PHF6: variants seen among roughly 807,000 people sequenced by gnomAD.
PHF6 encodes PHD finger protein 6.
A neutral mutation model predicts 34.0 loss-of-function variants in PHF6; 7 were observed. The observed-to-expected ratio is 0.21, with a 90% CI of 0.12 to 0.39. PHF6 has a LOEUF of 0.39. Among genes scored for constraint, PHF6 ranks in the 10% least tolerant of loss-of-function variants. The probability of loss-of-function intolerance (pLI) is 1.00; values close to 1 mark genes in which losing one functional copy is unlikely to be tolerated. For missense variants in PHF6, 128 were observed against 262.8 expected (o/e 0.49, Z 3.55); for synonymous variants, 89 against 88.4 (o/e 1.01, Z -0.04).
chrX:134,386,952 C>T (rs1233774298), intron 3 of PHF6, among the ~76,000 whole-genome samples: 1 of 111,348 alleles, frequency 9.0e-6, no homozygotes, highest in African/African-American at 3.3e-5. Context: ...GGATTAGGCC[C>T]ACAGGATGCC....
intron 3 of PHF6, among the ~76,000 whole-genome samples, chrX:134,392,741 G>T (rs1053679935): frequency 9.0e-6 from 1 of 110,888 alleles, no homozygotes; most frequent in African/African-American, 3.3e-5. Flanking sequence ...GATTTTACTA[G>T]GTTCTCAAAT....
Position 134,427,320 on chromosome X carries a change from A to G in PHF6, c.*1660A>G, listed in dbSNP as rs930909640. 2.5e-5 allele frequency: 4 copies of G among 162,459 alleles called. No individual in the cohort carries two copies. The Admixed American group carries it at 2.5e-4, about 10-fold the overall frequency. 13.4% of individuals were successfully genotyped at this position (162,459 alleles called of 1,213,427 possible). A position where few individuals can be genotyped will look rare whatever the true frequency, so the allele number is the denominator to read the frequency against. On this transcript the variant is annotated 3_prime_UTR_variant, in exon 11 of 11. Coordinates refer to ENST00000370803, the MANE Select transcript of PHF6 (RefSeq NM_001015877.2). ...GACAGATCTAGATGTTTGTTTACCA[A>G]GCTATGTGACTTCTCCCAAAGGATC... is the stretch of plus-strand genomic sequence containing the variant.
At chrX:134,377,792 T>C (rs1325220962) in intron 2 of PHF6, 37 bp downstream of exon 2, 4 of 1,180,913 alleles carry the variant, frequency 3.4e-6, no homozygotes, top group Non-Finnish European at 4.6e-6. Flanking sequence ...CTTGAAACGA[T>C]TCATGAGACT....
In PHF6 at chrX:134,426,805, C is replaced by A; in HGVS notation, c.*1145C>A. 1 of 162,620 alleles carries A rather than the reference C, an allele frequency of 6.1e-6. No homozygotes were observed. The highest frequency in any genetic ancestry group is 9.1e-5 in the East Asian group (1 of 10,975). The allele number at this position is 162,620 out of a possible 1,213,427, so 13.4% of individuals were successfully genotyped here. A position where few individuals can be genotyped will look rare whatever the true frequency, so the allele number is the denominator to read the frequency against. On this transcript the variant is annotated 3_prime_UTR_variant, in exon 11 of 11. Coordinates refer to ENST00000370803, the MANE Select transcript of PHF6 (RefSeq NM_001015877.2). ...AGGTAGTGATATTTTCTTCCACTTACCTGCTGAAGCACATTTATGCATTTC... is the reference window on the plus strand; with the variant it reads ...AGGTAGTGATATTTTCTTCCACTTAACTGCTGAAGCACATTTATGCATTTC...
chrX:134,410,955 CTT>C (rs768638503), intron 5 of PHF6, among the ~76,000 whole-genome samples: 5 of 90,534 alleles, frequency 5.5e-5, no homozygotes, highest in African/African-American at 4.0e-5. Context: ...TAACTTACCA[CTT>C]TTTTTTTTTT....
intron 5 of PHF6, among the ~76,000 whole-genome samples, chrX:134,405,726 GTAA>G (rs1226880563): frequency 9.1e-6 from 1 of 110,078 alleles, no homozygotes; most frequent in Non-Finnish European, 1.9e-5. Context: ...GCACACTTTA[GTAA>G]TAATATATTT....
rs2077511430 is a variant in PHF6, at chrX:134,427,602, A to G, written c.*1942A>G. ...AGTTGATGAATTTGTTATGTAGTAA[A>G]ATGTATGACTTTGTATGGGTTTCTT... On this transcript the variant is annotated 3_prime_UTR_variant, in exon 11 of 11. Transcript: ENST00000370803. 6.3e-6 allele frequency: 1 copy of G among 158,765 alleles called. No homozygotes were observed. The highest frequency in any genetic ancestry group is 3.0e-5 in the African/African-American group (1 of 32,921). 13.1% of individuals were successfully genotyped at this position (158,765 alleles called of 1,213,427 possible). A position where few individuals can be genotyped will look rare whatever the true frequency, so the allele number is the denominator to read the frequency against.
chrX:134,391,220 C>T (rs1355749519), intron 3 of PHF6, among the ~76,000 whole-genome samples: 1 of 110,702 alleles, frequency 9.0e-6, no homozygotes, highest in Non-Finnish European at 1.9e-5. Context: ...GTGATGCGCC[C>T]GTCTCAGCCT....
intron 3 of PHF6, among the ~76,000 whole-genome samples, chrX:134,387,620 A>G (rs1023318496): frequency 1.8e-5 from 2 of 112,003 alleles, no homozygotes; most frequent in Non-Finnish European, 3.8e-5. Context: ...CTCCAATAAG[A>G]TAATTTATAT....
At chrX:134,384,263 A>G (rs2077320411) in intron 3 of PHF6, among the ~76,000 whole-genome samples, 1 of 111,704 alleles carries the variant, frequency 9.0e-6, no homozygotes, top group Non-Finnish European at 1.9e-5. Flanking sequence ...TAGCCATACC[A>G]GAATAGGTCT....
At chrX:134,405,491 G>A (rs1218253105) in intron 5 of PHF6, among the ~76,000 whole-genome samples, 4 of 111,721 alleles carry the variant, frequency 3.6e-5, no homozygotes, top group African/African-American at 9.8e-5. Flanking sequence ...GAGCCACCGC[G>A]CCCGGCCGAC....
At chrX:134,412,810 T>A (rs1431750293) in intron 5 of PHF6, among the ~76,000 whole-genome samples, 2 of 112,552 alleles carry the variant, frequency 1.8e-5, no homozygotes, top group African/African-American at 6.4e-5. Flanking sequence ...AACATACTTT[T>A]TTTACTGCTT....
intron 3 of PHF6, among the ~76,000 whole-genome samples, chrX:134,379,432 C>CTTTTTT (rs34099570): frequency 1.1e-3 from 30 of 26,274 alleles, no homozygotes; most frequent in East Asian, 2.8e-3. Flanking sequence ...CTTTTCTTTT[C>CTTTTTT]TTTTTTTTTT....
rs112004124 is a variant in PHF6 at position 134,406,060 on chromosome X, CTT to C, written c.419-7427_419-7426del. Reference sequence around the variant, plus strand: ...CTCAATCTTAATGCCTGTCCTTTTTCTTTTTCTTTCTTTCTTTCTTTCTTTCT... The same window carrying C: ...CTCAATCTTAATGCCTGTCCTTTTTCTTTCTTTCTTTCTTTCTTTCTTTCT... On this transcript the variant is annotated intron_variant, in intron 5 of 10. Transcript: ENST00000370803. Among the ~76,000 whole-genome samples the C allele has an allele frequency of 4.7e-3, 308 of 65,366 alleles. 2 individuals are homozygous for C. Among genetic ancestry groups the C allele is most frequent in the African/African-American group, 0.016 (292 of 18,168 alleles). The allele number at this position is 65,366 out of a possible 115,157, so 56.8% of individuals were successfully genotyped here. A position where few individuals can be genotyped will look rare whatever the true frequency, so the allele number is the denominator to read the frequency against.
intron 7 of PHF6, among the ~76,000 whole-genome samples, chrX:134,414,419 G>A (rs2077463812): frequency 8.9e-6 from 1 of 111,783 alleles, no homozygotes; most frequent in African/African-American, 3.2e-5. Context: ...ATAAGAATAA[G>A]TTTTTATCTT....
intron 3 of PHF6, among the ~76,000 whole-genome samples, chrX:134,381,821 G>A (rs1362207395): frequency 2.7e-5 from 3 of 111,237 alleles, no homozygotes; most frequent in East Asian, 2.8e-4. Context: ...ATTTTATCCC[G>A]TGAGCCTGTT....
intron 3 of PHF6, among the ~76,000 whole-genome samples, chrX:134,386,527 C>G (rs928370220): frequency 2.7e-5 from 3 of 110,275 alleles, no homozygotes; most frequent in Non-Finnish European, 5.7e-5. Context: ...TCTCCTGCCT[C>G]AGCCTCCCGA....
chrX:134,418,253 G>A (rs2077479242), intron 9 of PHF6: 1 of 111,542 alleles, frequency 9.0e-6, no homozygotes, highest in Non-Finnish European at 1.9e-5. Context: ...CTTAGAATAG[G>A]ATATGGTAGA....
At chrX:134,402,880 TA>T (rs1307322193) in intron 5 of PHF6, among the ~76,000 whole-genome samples, 2 of 111,986 alleles carry the variant, frequency 1.8e-5, no homozygotes, top group Non-Finnish European at 1.9e-5. Context: ...TTGATATTAC[TA>T]TTGCAAATTG....
Sources: gnomAD v4.1 joint callset for allele counts (sites outside exome capture counted in the v4.1 genomes callset) on GRCh38, gnomAD v4.1.1 for gene constraint, MANE v1.5 for transcripts, NCBI Gene and HGNC (gene_info 2026-07-23, HGNC 2026-07-21) for gene names.